FUT9: variants seen among roughly 807,000 people sequenced by gnomAD.
FUT9 encodes 4-galactosyl-N-acetylglucosaminide 3-alpha-L-fucosyltransferase 9.
A neutral mutation model predicts 29.7 loss-of-function variants in FUT9; 15 were observed. The observed-to-expected ratio is 0.51, with a 90% CI of 0.34 to 0.78. FUT9 has a LOEUF of 0.78. Among genes scored for constraint, FUT9 ranks in the 30% least tolerant of loss-of-function variants. FUT9 has a pLI of 0.01. For synonymous variants in FUT9, 169 were observed against 153.7 expected (o/e 1.10, Z -0.74); for missense variants, 319 against 425.4 (o/e 0.75, Z 2.20).
At chr6:96,181,385 G>A (rs1773303465) in intron 2 of FUT9, among the ~76,000 whole-genome samples, 1 of 151,810 alleles carries the variant, frequency 6.6e-6, no homozygotes, top group Non-Finnish European at 1.5e-5. Context: ...TTACCCAATA[G>A]GAAGCATTTA....
rs548483777 is a variant in FUT9 at position 96,119,170 on chromosome 6, C to T, written c.-9+5043C>T. Among the ~76,000 whole-genome samples, 3 of 152,314 alleles carry T rather than the reference C, an allele frequency of 2.0e-5. No individual in the cohort carries two copies. The South Asian group carries it at 6.2e-4, about 32-fold the overall frequency. On this transcript the variant is annotated intron_variant, in intron 2 of 2. Coordinates refer to ENST00000302103, the MANE Select transcript of FUT9 (RefSeq NM_006581.4). ...AATGTCCTAGGCTTTCACATCCACT[C>T]ACCACTCACTCACTGACTCACCCAG...
At chr6:96,133,530 C>T (rs1772290358) in intron 2 of FUT9, among the ~76,000 whole-genome samples, 1 of 151,844 alleles carries the variant, frequency 6.6e-6, no homozygotes, top group Admixed American at 6.6e-5. Context: ...GAACCCTGAC[C>T]AAAATTATTT....
chr6:96,133,379 A>C, intron 2 of FUT9, among the ~76,000 whole-genome samples: 1 of 151,980 alleles, frequency 6.6e-6, no homozygotes, highest in Admixed American at 6.6e-5. Flanking sequence ...ATGAAGTAAA[A>C]CCAAAAAAAG....
At chr6:96,185,584 G>A (rs1413958395) in intron 2 of FUT9, among the ~76,000 whole-genome samples, 1 of 151,966 alleles carries the variant, frequency 6.6e-6, no homozygotes, top group African/African-American at 2.4e-5. Context: ...ACATAGAAAT[G>A]GATGATGTAG....
intron 1 of FUT9, among the ~76,000 whole-genome samples, chr6:96,052,158 C>T (rs949413668): frequency 6.6e-6 from 1 of 152,024 alleles, no homozygotes; most frequent in Non-Finnish European, 1.5e-5. Context: ...GGGGGAAAAC[C>T]CCTTATAAAA....
At chr6:96,126,121 C>A (rs1772129757) in intron 2 of FUT9, among the ~76,000 whole-genome samples, 1 of 152,112 alleles carries the variant, frequency 6.6e-6, no homozygotes, top group Non-Finnish European at 1.5e-5. Context: ...TCCACAGCCT[C>A]TGTATGTTTC....
At position 96,151,931 on chromosome 6, in the gene FUT9, T is replaced by C. The variant is rs151300420; in HGVS notation, c.-9+37804T>C. On this transcript the variant is annotated intron_variant, in intron 2 of 2. Coordinates refer to ENST00000302103, the MANE Select transcript of FUT9 (RefSeq NM_006581.4). ...GAAAACAATAGCAATCTTGAAGAAA[T>C]ACCAGGAAGGACATTAGAGAGATGA... Among the ~76,000 whole-genome samples, 533 of 152,206 alleles carry C rather than the reference T, an allele frequency of 3.5e-3. 2 individuals carry two copies. The highest frequency in any genetic ancestry group is 0.011 in the African/African-American group (477 of 41,516).
intron 1 of FUT9, among the ~76,000 whole-genome samples, chr6:96,085,205 C>T (rs1771295977): frequency 6.6e-6 from 1 of 152,126 alleles, no homozygotes; most frequent in African/African-American, 2.4e-5. Context: ...TGTCTTAGTC[C>T]ATTTGGGCTG....
Position 96,026,278 on chromosome 6 carries a change from T to C in FUT9, c.-98+10066T>C, listed in dbSNP as rs147117062. 3.8e-4 allele frequency among the ~76,000 whole-genome samples: 57 copies of C among 151,858 alleles called. No individual in the cohort carries two copies. In the East Asian group the frequency reaches 0.01, roughly 28 times the overall value. ...TATGTTCATCCTTGCTATTTCCTAC[T>C]GATGGAATGCATTAAACTTTTGTTA... On this transcript the variant is annotated intron_variant, in intron 1 of 2. Transcript: ENST00000302103.
intron 2 of FUT9, among the ~76,000 whole-genome samples, chr6:96,126,735 T>G (rs1328178236): frequency 6.6e-6 from 1 of 152,238 alleles, no homozygotes; most frequent in Non-Finnish European, 1.5e-5. Context: ...TTATTTACTA[T>G]TATAAACATA....
chr6:96,070,567 G>C (rs749025953), intron 1 of FUT9, among the ~76,000 whole-genome samples: 2 of 152,084 alleles, frequency 1.3e-5, no homozygotes, highest in African/African-American at 2.4e-5. Flanking sequence ...CACACCTGTA[G>C]TCCCAGCAAC....
chr6:96,133,457 G>C (rs1350680385), intron 2 of FUT9, among the ~76,000 whole-genome samples: 1 of 151,880 alleles, frequency 6.6e-6, no homozygotes, highest in African/African-American at 2.4e-5. Context: ...TAATAAGACA[G>C]ATCTTATAAT....
At chr6:96,187,833 T>G (rs1773432095) in intron 2 of FUT9, among the ~76,000 whole-genome samples, 1 of 152,178 alleles carries the variant, frequency 6.6e-6, no homozygotes, top group African/African-American at 2.4e-5. Context: ...TTAGGCAACT[T>G]GGTTTTTTGA....
chr6:96,018,603 A>G (rs1386401677), intron 1 of FUT9, among the ~76,000 whole-genome samples: 2 of 152,120 alleles, frequency 1.3e-5, no homozygotes, highest in African/African-American at 4.8e-5. Context: ...GTATCTTATA[A>G]TGCTCATAAT....
chr6:96,083,994 T>G (rs1430444304), intron 1 of FUT9, among the ~76,000 whole-genome samples: 1 of 152,056 alleles, frequency 6.6e-6, no homozygotes, highest in African/African-American at 2.4e-5. Flanking sequence ...CACATGTCAT[T>G]ATATGATAAC....
At chr6:96,198,962 C>T (rs748416469) in intron 2 of FUT9, among the ~76,000 whole-genome samples, 4 of 151,846 alleles carry the variant, frequency 2.6e-5, no homozygotes, top group South Asian at 2.1e-4. Flanking sequence ...TCTTAAAGAA[C>T]GACTGGAGGT....
intron 2 of FUT9, among the ~76,000 whole-genome samples, chr6:96,166,171 G>T (rs1052445405): frequency 1.3e-5 from 2 of 151,690 alleles, no homozygotes; most frequent in African/African-American, 4.8e-5. Context: ...AAAAGAAAAT[G>T]AGATCTTCTG....
chr6:96,191,059 T>A (rs140861193), intron 2 of FUT9, among the ~76,000 whole-genome samples: 18 of 152,172 alleles, frequency 1.2e-4, no homozygotes, highest in African/African-American at 4.1e-4. Context: ...TGGTCTTTGA[T>A]GATGGTGACA....
rs1582225293 is a variant in FUT9 at position 96,094,751 on chromosome 6, A to G, written c.-97-19288A>G. Among the ~76,000 whole-genome samples the G allele has an allele frequency of 2.0e-5, 3 of 152,156 alleles. No individual in the cohort carries two copies. The East Asian group carries it at 5.8e-4, about 29-fold the overall frequency. ...CTGAATAGGGAAGCTATTCTTGGAA[A>G]CTTCCAGGCTAGAGGGAACTACAAA... is the stretch of plus-strand genomic sequence containing the variant. On this transcript the variant is annotated intron_variant, in intron 1 of 2. Coordinates refer to ENST00000302103, the MANE Select transcript of FUT9 (RefSeq NM_006581.4).
Sources: allele counts gnomAD v4.1 joint callset (sites outside exome capture counted in the v4.1 genomes callset), GRCh38; gene constraint gnomAD v4.1.1; transcripts MANE v1.5; gene names NCBI Gene and HGNC (gene_info 2026-07-23, HGNC 2026-07-21).